The following EVC variants were observed in gnomAD, a reference collection of about 807,000 sequenced individuals.
The protein encoded by EVC is evC complex member EVC.
Under a neutral mutation model 118.9 loss-of-function variants are expected in EVC, and 116 were observed. That is an observed-to-expected ratio of 0.98 (90% confidence interval 0.84 to 1.14). The LOEUF is 1.14. EVC is among the 50% of genes most tolerant of loss of function. EVC has a pLI of 0.00. For synonymous variants in EVC, 619 were observed against 534.7 expected, an observed-to-expected ratio of 1.16 and a Z score of -2.18; for missense variants, 1,401 against 1,246.4, an observed-to-expected ratio of 1.12 and a Z score of -1.87.
Position 5,755,000 on chromosome 4 carries a change from G to A in EVC, c.1464+1067G>A, listed in dbSNP as rs1317991130. Reference sequence around the variant, plus strand: ...CCAAGCTGGTGGTGGTGGCACCACTGCAGTGAGAAGCCAATGGAGGGGTCC... The same window carrying A: ...CCAAGCTGGTGGTGGTGGCACCACTACAGTGAGAAGCCAATGGAGGGGTCC... On this transcript the variant is annotated intron_variant, in intron 10 of 20. Transcript: ENST00000264956. The surrounding 1 kb of genome is among the most constrained non-coding windows in gnomAD (Gnocchi z 5.8). Among the ~76,000 whole-genome samples the A allele has an allele frequency of 6.6e-6, 1 of 152,084 alleles. No homozygotes were observed. The highest frequency in any genetic ancestry group is 1.9e-4 in the East Asian group (1 of 5,172).
intron 2 of EVC, among the ~76,000 whole-genome samples, chr4:5,721,305 C>T (rs1415020803): frequency 1.3e-5 from 2 of 152,140 alleles, no homozygotes; most frequent in Admixed American, 6.5e-5. Flanking sequence ...TATATGCAGA[C>T]ATTGGAAGGT....
intron 11 of EVC, among the ~76,000 whole-genome samples, chr4:5,761,100 C>T (rs1318113942): frequency 6.6e-6 from 1 of 152,124 alleles, no homozygotes; most frequent in Non-Finnish European, 1.5e-5. Context: ...GTCCTTGGGC[C>T]AGAGCCTGGA....
At chr4:5,760,363 C>T (rs2152116128) in intron 11 of EVC, among the ~76,000 whole-genome samples, 1 of 152,108 alleles carries the variant, frequency 6.6e-6, no homozygotes, top group East Asian at 1.9e-4. Flanking sequence ...CCTGTGAGAG[C>T]TTCAGTGAAG....
chr4:5,727,960 G>A (rs1360790167), intron 2 of EVC, among the ~76,000 whole-genome samples: 2 of 149,696 alleles, frequency 1.3e-5, no homozygotes, highest in African/African-American at 5.0e-5. Flanking sequence ...GTACCATGCT[G>A]TTTTGGTTAC....
chr4:5,724,809 T>A (rs1725550496), intron 2 of EVC, among the ~76,000 whole-genome samples: 1 of 152,032 alleles, frequency 6.6e-6, no homozygotes, highest in Admixed American at 6.6e-5. Flanking sequence ...TGTGCCATGG[T>A]GGTTTGCTGC....
chr4:5,726,569 T>TTTTC (rs1553864294), intron 2 of EVC, among the ~76,000 whole-genome samples: 3 of 820 alleles, frequency 3.7e-3, no homozygotes, highest in African/African-American at 0.012. Flanking sequence ...TTCTCTTTTC[T>TTTTC]TTTTTTTTTT....
At chr4:5,804,565 G>T (rs1398526913) in intron 16 of EVC, among the ~76,000 whole-genome samples, 165 bp from the exon 17 acceptor site, 1 of 152,160 alleles carries the variant, frequency 6.6e-6, no homozygotes, top group African/African-American at 2.4e-5. Context: ...CATGATGGAA[G>T]CTGTGTTGTT....
chr4:5,762,246 A>G (rs1170999227), intron 11 of EVC, among the ~76,000 whole-genome samples: 4 of 126,898 alleles, frequency 3.2e-5, no homozygotes, highest in African/African-American at 5.8e-5. Context: ...ATTTTTTATG[A>G]CTGCATAGTA....
intron 1 of EVC, among the ~76,000 whole-genome samples, chr4:5,716,323 C>T (rs1723954430): frequency 6.6e-6 from 1 of 152,192 alleles, no homozygotes; most frequent in Admixed American, 6.5e-5. Flanking sequence ...CTAAAAGGGC[C>T]AGACATCTTG....
chr4:5,809,686 C>A, intron 19 of EVC, 75 bp downstream of exon 19: 1 of 1,289,416 alleles, frequency 7.8e-7, no homozygotes, highest in Non-Finnish European at 1.1e-6. Flanking sequence ...CCACACTGGC[C>A]ACTAACTAGC....
rs1173044273 is a variant in EVC, at chr4:5,725,359, T to G, written c.301-3948T>G. ...CCACCAACAGTGTAAAAGTTTTCCT[T>G]TTTCTCCACAGCCTCACCAGCATCT... On this transcript the variant is annotated intron_variant, in intron 2 of 20. Coordinates refer to ENST00000264956, the MANE Select transcript of EVC (RefSeq NM_153717.3). Among the ~76,000 whole-genome samples, 4 of 152,200 alleles carry G rather than the reference T, an allele frequency of 2.6e-5. No homozygotes were observed. The East Asian group carries it at 5.8e-4, about 22-fold the overall frequency.
At chr4:5,722,117 A>G (rs1933822923) in intron 2 of EVC, among the ~76,000 whole-genome samples, 1 of 152,164 alleles carries the variant, frequency 6.6e-6, no homozygotes, top group South Asian at 2.1e-4. Flanking sequence ...CAGGAAGCAT[A>G]ACCTGTCTGA....
chr4:5,819,967 C>T, the EVC span, among the ~76,000 whole-genome samples: 1 of 152,154 alleles, frequency 6.6e-6, no homozygotes, highest in Non-Finnish European at 1.5e-5. Context: ...GATGTGGGAC[C>T]AGAGCATCCA....
At chr4:5,730,167 T>C (rs1346223233) in intron 3 of EVC, among the ~76,000 whole-genome samples, 1 of 152,176 alleles carries the variant, frequency 6.6e-6, no homozygotes, top group Non-Finnish European at 1.5e-5. Flanking sequence ...ATGGGGATGA[T>C]GGTGCTCCTG....
intron 17 of EVC, 69 bp from the exon 18 acceptor site, chr4:5,808,132 T>TACCAG: frequency 6.5e-6 from 3 of 464,750 alleles, no homozygotes; most frequent in East Asian, 4.1e-5. Context: ...GCCTTCCTTC[T>TACCAG]CCCTCCCTCC....
chr4:5,772,097 C>CT (rs1461895976), intron 11 of EVC, among the ~76,000 whole-genome samples: 3 of 151,718 alleles, frequency 2.0e-5, no homozygotes, highest in Non-Finnish European at 2.9e-5. Context: ...AAGGTTTCAC[C>CT]GTGTTAGCCA....
chr4:5,768,020 C>A (rs1412289184), intron 11 of EVC, among the ~76,000 whole-genome samples: 1 of 152,114 alleles, frequency 6.6e-6, no homozygotes, highest in Non-Finnish European at 1.5e-5. Flanking sequence ...TTCATTCATT[C>A]ATTCATTCAA....
chr4:5,792,934 G>A (rs1713066122), intron 12 of EVC, among the ~76,000 whole-genome samples: 1 of 152,156 alleles, frequency 6.6e-6, no homozygotes. Context: ...TTTTGGGGTG[G>A]AAAACTCAGT....
chr4:5,821,835 G>A, the EVC span: 7 of 1,592,068 alleles, frequency 4.4e-6, no homozygotes, highest in Non-Finnish European at 6.0e-6. This position sits in a 1 kb window ranked among gnomAD's most constrained non-coding sequence, Gnocchi z 4.4. Context: ...TGGGATTGTT[G>A]TCATCTATCT....
Sources: allele counts gnomAD v4.1 joint callset (sites outside exome capture counted in the v4.1 genomes callset), GRCh38; gene constraint gnomAD v4.1.1; non-coding constraint Gnocchi (gnomAD v3.1); transcripts MANE v1.5; gene names NCBI Gene and HGNC (gene_info 2026-07-23, HGNC 2026-07-21).